ZNF407: variants seen among roughly 807,000 people sequenced by gnomAD.
ZNF407 encodes the protein zinc finger protein 407.
A neutral mutation model predicts 131.2 loss-of-function variants in ZNF407; 17 were observed. That is an observed-to-expected ratio of 0.13 (90% CI 0.09 to 0.19). The LOEUF (loss-of-function observed/expected upper bound fraction) is 0.19. Ranked by LOEUF, ZNF407 falls within the 10% of genes least tolerant of loss-of-function variation. The pLI, the probability that ZNF407 is intolerant of heterozygous loss-of-function variation, is 1.00. For missense variants in ZNF407, 2,681 were observed against 2,830.6 expected, an observed-to-expected ratio of 0.95 and a Z score of 1.20; for synonymous variants, 1,156 against 1,062.0, an observed-to-expected ratio of 1.09 and a Z score of -1.72.
chr18:74,829,421 C>T (rs920132546), intron 4 of ZNF407, among the ~76,000 whole-genome samples: 1 of 152,144 alleles, frequency 6.6e-6, no homozygotes, highest in Admixed American at 6.5e-5. Flanking sequence ...CCATCGTAAC[C>T]TTACCTATTT....
In ZNF407 at chr18:74,632,954, A is replaced by G. The variant is rs1317733442; in HGVS notation, c.1935A>G (p.Gln645=). The change falls in exon 2 of 9, where the codon CAA becomes CAG. Residue 645 remains glutamine (Q), a synonymous_variant. Transcript: ENST00000299687. Reference sequence around the variant, plus strand: ...AGAAGCATATTAATTCATTGGTTCAACCAAAGACTTTGCAATCATCTAACA... The same window carrying G: ...AGAAGCATATTAATTCATTGGTTCAGCCAAAGACTTTGCAATCATCTAACA... The part of the protein sequence containing the change: ...ATEKHINSLV[Q]PKTLQSSNSD... 4.3e-6 allele frequency: 7 copies of G among 1,613,426 alleles called. No individual in the cohort carries two copies. In the South Asian group the frequency reaches 4.4e-5, roughly 10 times the overall value.
At chr18:75,056,310 C>A (rs1035892824) in intron 8 of ZNF407, among the ~76,000 whole-genome samples, 1 of 152,108 alleles carries the variant, frequency 6.6e-6, no homozygotes, top group African/African-American at 2.4e-5. Context: ...GTAACGCTGA[C>A]CAGAATGTGT....
intron 3 of ZNF407, among the ~76,000 whole-genome samples, chr18:74,769,338 G>C (rs1969312580): frequency 6.6e-6 from 1 of 152,040 alleles, no homozygotes; most frequent in Non-Finnish European, 1.5e-5. Flanking sequence ...ATTAACAGAA[G>C]GCCCCACCAA....
intron 8 of ZNF407, among the ~76,000 whole-genome samples, chr18:75,035,728 G>C (rs1034507891): frequency 3.9e-5 from 6 of 152,244 alleles, no homozygotes; most frequent in Non-Finnish European, 2.9e-5. Context: ...GAAATCTCAT[G>C]TGTATCTGAT....
At chr18:75,043,119 C>T (rs566259747) in intron 8 of ZNF407, among the ~76,000 whole-genome samples, 55 of 152,292 alleles carry the variant, frequency 3.6e-4, no homozygotes, top group African/African-American at 1.2e-3. Context: ...TGTGCCATTT[C>T]GCATCCCCAC....
chr18:74,804,214 A>G (rs1243416256), intron 4 of ZNF407: 2 of 1,301,792 alleles, frequency 1.5e-6, no homozygotes, highest in African/African-American at 3.0e-5. Context: ...CATCACACAA[A>G]TGTAGGCTAG....
At chr18:74,716,831 A>T (rs556164674) in intron 3 of ZNF407, among the ~76,000 whole-genome samples, 1 of 152,188 alleles carries the variant, frequency 6.6e-6, no homozygotes, top group Non-Finnish European at 1.5e-5. Flanking sequence ...AAGTATGTTG[A>T]AATAGATCGC....
chr18:74,686,274 A>G (rs988790547), intron 3 of ZNF407, among the ~76,000 whole-genome samples: 4 of 152,220 alleles, frequency 2.6e-5, no homozygotes, highest in African/African-American at 9.6e-5. Context: ...CCAAATCAAT[A>G]TACAAACCAA....
chr18:74,911,445 A>G (rs1207406608), intron 7 of ZNF407, among the ~76,000 whole-genome samples: 2 of 152,176 alleles, frequency 1.3e-5, no homozygotes, highest in Non-Finnish European at 2.9e-5. Context: ...CATTAAGCCA[A>G]CCCATACAGA....
chr18:74,753,259 C>A (rs1034958662), intron 3 of ZNF407, among the ~76,000 whole-genome samples: 5 of 151,902 alleles, frequency 3.3e-5, no homozygotes, highest in Non-Finnish European at 7.4e-5. Flanking sequence ...GCCGAAGTTG[C>A]TTATCAGCTT....
Position 74,953,562 on chromosome 18 carries a change from C to T in ZNF407, c.5428+32870C>T, listed in dbSNP as rs369439427. Among the ~76,000 whole-genome samples the T allele has an allele frequency of 1.9e-3, 283 of 152,232 alleles. 6 individuals carry two copies. Among genetic ancestry groups the T allele is most frequent in the African/African-American group, 6.4e-3 (265 of 41,540 alleles). On this transcript the variant is annotated intron_variant, in intron 8 of 8. Coordinates refer to ENST00000299687, the MANE Select transcript of ZNF407 (RefSeq NM_017757.3). ...TCATTCCTGATAGACATGCAGCTTC[C>T]TTGAGGAGGAGCTCCCTGCCTCTGT... is the stretch of plus-strand genomic sequence containing the variant.
intron 4 of ZNF407, among the ~76,000 whole-genome samples, chr18:74,872,142 G>A (rs567667952): frequency 8.6e-5 from 13 of 151,914 alleles, no homozygotes; most frequent in South Asian, 4.2e-4. Flanking sequence ...CTGTGCTGCC[G>A]TCAGCCCCGC....
At chr18:74,958,720 G>A (rs1470710877) in intron 8 of ZNF407, among the ~76,000 whole-genome samples, 1 of 152,188 alleles carries the variant, frequency 6.6e-6, no homozygotes, top group Non-Finnish European at 1.5e-5. Context: ...TGGCATAAAG[G>A]GACTGAGTGA....
At chr18:74,659,319 T>C (rs964956982) in intron 3 of ZNF407, among the ~76,000 whole-genome samples, 6 of 152,178 alleles carry the variant, frequency 3.9e-5, no homozygotes, top group Admixed American at 1.3e-4. Flanking sequence ...TGTAGGATGC[T>C]AGTGATTACA....
chr18:74,609,171 G>A (rs1982943336), intron 1 of ZNF407, among the ~76,000 whole-genome samples: 1 of 152,150 alleles, frequency 6.6e-6, no homozygotes, highest in Non-Finnish European at 1.5e-5. Flanking sequence ...TATTGAATTG[G>A]CAGCCGAGGA....
chr18:74,730,854 T>A (rs538024466), intron 3 of ZNF407, among the ~76,000 whole-genome samples: 1 of 152,332 alleles, frequency 6.6e-6, no homozygotes, highest in South Asian at 2.1e-4. Context: ...GTTCAGCTGG[T>A]CATGAAGTAA....
At chr18:74,614,008 T>C (rs1983176523) in intron 1 of ZNF407, among the ~76,000 whole-genome samples, 1 of 152,226 alleles carries the variant, frequency 6.6e-6, no homozygotes, top group Non-Finnish European at 1.5e-5. Flanking sequence ...TTTGGGAGTG[T>C]GTAATTCACT....
chr18:74,656,423 CAA>C (rs990041873), intron 3 of ZNF407, among the ~76,000 whole-genome samples: 4 of 151,952 alleles, frequency 2.6e-5, no homozygotes, highest in Non-Finnish European at 5.9e-5. Flanking sequence ...CCTTAAAGGA[CAA>C]AGGATTTTTG....
intron 8 of ZNF407, among the ~76,000 whole-genome samples, chr18:74,963,506 T>C (rs571447017): frequency 1.3e-5 from 2 of 152,334 alleles, no homozygotes; most frequent in Non-Finnish European, 2.9e-5. Flanking sequence ...ACTCGATTTT[T>C]TTTTAATCCA....
Sources: gnomAD v4.1 joint callset for allele counts (sites outside exome capture counted in the v4.1 genomes callset) on GRCh38, gnomAD v4.1.1 for gene constraint, MANE v1.5 for transcripts, NCBI Gene and HGNC (gene_info 2026-07-23, HGNC 2026-07-21) for gene names.